TOLLIP: variants seen among roughly 807,000 people sequenced by gnomAD.
TOLLIP encodes toll-interacting protein.
TOLLIP carries 16 observed loss-of-function variants against 33.5 expected under a neutral mutation model. The observed-to-expected ratio is 0.48, with a 90% CI of 0.32 to 0.72. The LOEUF is 0.72. Ranked by LOEUF, TOLLIP falls within the 30% of genes least tolerant of loss-of-function variation. The probability of loss-of-function intolerance (pLI) is 0.03; values close to 1 mark genes in which losing one functional copy is unlikely to be tolerated. For synonymous variants in TOLLIP, 176 were observed against 163.7 expected (o/e 1.07, Z -0.57); for missense variants, 325 against 396.6 (o/e 0.82, Z 1.53).
chr11:1,301,791 G>A (rs1175306465), intron 1 of TOLLIP, among the ~76,000 whole-genome samples: 1 of 152,224 alleles, frequency 6.6e-6, no homozygotes, highest in African/African-American at 2.4e-5. Flanking sequence ...ACCCACAGCA[G>A]GAAGACCTGG....
At chr11:1,296,373 C>G (rs1283437184) in intron 1 of TOLLIP, among the ~76,000 whole-genome samples, 1 of 152,256 alleles carries the variant, frequency 6.6e-6, no homozygotes, top group Non-Finnish European at 1.5e-5. Context: ...CTCCTCGACC[C>G]TCTGTCCACC....
chr11:1,302,600 T>C, intron 1 of TOLLIP: 1 of 987,044 alleles, frequency 1.0e-6, no homozygotes, highest in Non-Finnish European at 1.2e-6. Context: ...CTGCAGCCCC[T>C]GGCACTCCAG....
At chr11:1,283,033 C>T (rs924346612) in intron 5 of TOLLIP, among the ~76,000 whole-genome samples, 2 of 152,348 alleles carry the variant, frequency 1.3e-5, no homozygotes, top group East Asian at 1.9e-4. Context: ...GGGATCTTCA[C>T]GTGGTCCTGG....
chr11:1,307,808 C>A (rs1459327774), intron 1 of TOLLIP, among the ~76,000 whole-genome samples: 1 of 152,198 alleles, frequency 6.6e-6, no homozygotes, highest in Admixed American at 6.5e-5. Flanking sequence ...AGGCTCCACA[C>A]CTGAGTCTCA....
rs920272085 is a variant in TOLLIP, at chr11:1,277,667, G to A, written c.611-414C>T. On this transcript the variant is annotated intron_variant, in intron 5 of 5. Transcript: ENST00000317204. This position sits in a 1 kb window ranked among gnomAD's most constrained non-coding sequence, Gnocchi z 4.2. ...ACAGAGTCCTCTGCATCTGGGGACG[G>A]ACTACACGGAATGTCACGCCCGCTG... Among the ~76,000 whole-genome samples, 17 of 152,176 alleles carry A rather than the reference G, an allele frequency of 1.1e-4. No individual in the cohort carries two copies. Among genetic ancestry groups the A allele is most frequent in the Non-Finnish European group, 2.2e-4 (15 of 68,038 alleles).
rs926744561 is a variant in TOLLIP, at chr11:1,290,264, G to A, written c.329C>T (p.Pro110Leu). 18 of 1,613,370 alleles carry A rather than the reference G, an allele frequency of 1.1e-5. No individual in the cohort carries two copies. The highest frequency in any genetic ancestry group is 1.4e-5 in the Non-Finnish European group (16 of 1,179,958). Residue 110 changes from proline to leucine, a missense_variant, in exon 3 of 6, where the codon CCA (proline) becomes CTA (leucine). Pro to Leu is a moderately conservative substitution (Grantham distance 98). Transcript: ENST00000317204. This position sits in a 1 kb window ranked among gnomAD's most constrained non-coding sequence, Gnocchi z 4.9. ...WNKVIHCTVP[P>L]GVDSFYLEIF... Reference sequence around the variant, plus strand: ...CTCGAGATAGAAAGAGTCCACGCCTGGGGGCACCGTGCAGTGGATGACCTT... The same window carrying A: ...CTCGAGATAGAAAGAGTCCACGCCTAGGGGCACCGTGCAGTGGATGACCTT...
intron 5 of TOLLIP, among the ~76,000 whole-genome samples, chr11:1,284,258 G>A (rs1446757623): frequency 6.6e-6 from 1 of 152,090 alleles, no homozygotes; most frequent in Non-Finnish European, 1.5e-5. Context: ...CCTCAAGGCT[G>A]CTTCTGCGTT....
At chr11:1,293,365 T>C (rs1590220686) in intron 2 of TOLLIP, among the ~76,000 whole-genome samples, 2 of 151,512 alleles carry the variant, frequency 1.3e-5, no homozygotes, top group South Asian at 2.1e-4. Flanking sequence ...AGCACATGGG[T>C]GTTTAGACCC....
intron 5 of TOLLIP, among the ~76,000 whole-genome samples, chr11:1,279,403 C>T (rs1005832518): frequency 1.3e-5 from 2 of 152,364 alleles, no homozygotes; most frequent in South Asian, 4.1e-4. Context: ...TCCATCAAGC[C>T]CTCCGGGAAC....
Position 1,285,898 on chromosome 11 carries a change from C to T in TOLLIP, c.610+104G>A, listed in dbSNP as rs779176763. 16 of 775,194 alleles carry T rather than the reference C, an allele frequency of 2.1e-5. No individual in the cohort carries two copies. In the Admixed American group the frequency reaches 2.4e-4, roughly 12 times the overall value. 48.0% of individuals were successfully genotyped at this position (775,194 alleles called of 1,614,324 possible). ...GTCTACAGGATTCTAGAATGGATGA[C>T]GTCCCCACCCCGGCGCTCTAAGCCC... is the stretch of plus-strand genomic sequence containing the variant. On this transcript the variant is annotated intron_variant, in intron 5 of 5. Coordinates refer to ENST00000317204, the MANE Select transcript of TOLLIP (RefSeq NM_019009.4).
chr11:1,295,397 G>A (rs187505701), intron 2 of TOLLIP: 47 of 408,306 alleles, frequency 1.2e-4, no homozygotes, highest in African/African-American at 8.0e-4. Flanking sequence ...GAAGAGCCAG[G>A]CCCTACACAG....
At chr11:1,287,297 C>T (rs1022737641) in intron 4 of TOLLIP, among the ~76,000 whole-genome samples, 21 of 152,202 alleles carry the variant, frequency 1.4e-4, no homozygotes, top group Non-Finnish European at 2.4e-4. Context: ...ATTTACACAT[C>T]GTCACTCACG....
Position 1,278,486 on chromosome 11 carries a change from C to T in TOLLIP, c.611-1233G>A, listed in dbSNP as rs529454471. ...GCAACAAGACCTGCAGGGGTGTAAA[C>T]GGAGCAGACAGGGCTTGCCACCAAG... On this transcript the variant is annotated intron_variant, in intron 5 of 5. Transcript: ENST00000317204. This position sits in a 1 kb window ranked among gnomAD's most constrained non-coding sequence, Gnocchi z 4.7. Among the ~76,000 whole-genome samples, 4 of 152,300 alleles carry T rather than the reference C, an allele frequency of 2.6e-5. No individual in the cohort carries two copies. The highest frequency in any genetic ancestry group is 2.1e-4 in the South Asian group (1 of 4,822).
chr11:1,288,699 C>T lies in TOLLIP; in HGVS notation c.444G>A (p.Glu148=), dbSNP rs201166699. ...IPESLRQGKV[E]DKWYSLSGRQ... ...TCCCGCTCAGGCTGTACCACTTGTC[C>T]TCCACCTTGCCCTGCCTCAGGGACT... is the stretch of plus-strand genomic sequence containing the variant. Residue 148 remains glutamate, a synonymous_variant, in exon 4 of 6, where the codon GAG becomes GAA. Transcript: ENST00000317204. 110 of 1,612,960 alleles carry T rather than the reference C, an allele frequency of 6.8e-5. No individual in the cohort carries two copies. In the East Asian group the frequency reaches 2.3e-3, roughly 34 times the overall value.
At chr11:1,288,832 C>G in intron 3 of TOLLIP, 56 bp from the exon 4 acceptor site, 1 of 1,572,916 alleles carries the variant, frequency 6.4e-7, no homozygotes, top group South Asian at 1.2e-5. Flanking sequence ...CACCCTGCCC[C>G]TGCAGCCGCA....
At chr11:1,300,575 T>A (rs951446003) in intron 1 of TOLLIP, among the ~76,000 whole-genome samples, 1 of 152,232 alleles carries the variant, frequency 6.6e-6, no homozygotes, top group Admixed American at 6.5e-5. Context: ...TGGTGACACG[T>A]CTCCAACGGA....
chr11:1,305,336 A>C (rs990657216), intron 1 of TOLLIP, among the ~76,000 whole-genome samples: 1 of 152,356 alleles, frequency 6.6e-6, no homozygotes, highest in Middle Eastern at 3.4e-3. Context: ...GGAGCAGCCC[A>C]CCAGAGCCAG....
chr11:1,279,903 G>A (rs549297613), intron 5 of TOLLIP, among the ~76,000 whole-genome samples: 1 of 152,316 alleles, frequency 6.6e-6, no homozygotes, highest in South Asian at 2.1e-4. Context: ...GGCTCCAGAC[G>A]TCTCGCACCA....
intron 1 of TOLLIP, among the ~76,000 whole-genome samples, chr11:1,302,109 A>G (rs1005291500): frequency 1.3e-5 from 2 of 152,230 alleles, no homozygotes; most frequent in African/African-American, 4.8e-5. Context: ...ACTGTCCTAC[A>G]GGGGATGTCT....
Sources: gnomAD v4.1 joint callset for allele counts (sites outside exome capture counted in the v4.1 genomes callset) on GRCh38, gnomAD v4.1.1 for gene constraint, Gnocchi (gnomAD v3.1) non-coding constraint, MANE v1.5 for transcripts, NCBI Gene and HGNC (gene_info 2026-07-23, HGNC 2026-07-21) for gene names.